DNAH9: variants seen among roughly 807,000 people sequenced by gnomAD.
DNAH9 encodes the protein dynein axonemal heavy chain 9.
A neutral mutation model predicts 471.6 loss-of-function variants in DNAH9; 345 were observed. The ratio of observed to expected loss-of-function variants is 0.73; its 90% confidence interval spans 0.67 to 0.80. DNAH9 has a LOEUF of 0.80. Among genes scored for constraint, DNAH9 ranks in the 30% least tolerant of loss-of-function variants. The pLI, the probability that DNAH9 is intolerant of heterozygous loss-of-function variation, is 0.00. For synonymous variants in DNAH9, 2,093 were observed against 2,123.6 expected (o/e 0.99, Z 0.40); for missense variants, 5,407 against 5,609.2 (o/e 0.96, Z 1.15).
intron 28 of DNAH9, among the ~76,000 whole-genome samples, chr17:11,730,773 G>GATT (rs1224248226): frequency 6.6e-6 from 1 of 151,856 alleles, no homozygotes; most frequent in African/African-American, 2.4e-5. Context: ...TGATGATGAT[G>GATT]ATGATGTTAA....
intron 27 of DNAH9, among the ~76,000 whole-genome samples, chr17:11,722,318 G>C (rs368858556): frequency 6.6e-6 from 1 of 152,346 alleles, no homozygotes; most frequent in South Asian, 2.1e-4. Context: ...AGTGGGGGAT[G>C]CAGAAAGGAA....
intron 41 of DNAH9, among the ~76,000 whole-genome samples, chr17:11,786,788 A>G (rs1414790790): frequency 6.6e-6 from 1 of 152,190 alleles, no homozygotes; most frequent in African/African-American, 2.4e-5. Flanking sequence ...AGGAGGAACC[A>G]GACAGCAGAG....
At chr17:11,698,084 C>T (rs1304885317) in intron 22 of DNAH9, among the ~76,000 whole-genome samples, 1 of 138,262 alleles carries the variant, frequency 7.2e-6, no homozygotes, top group Non-Finnish European at 1.5e-5. Context: ...TACTTTATAG[C>T]ATATATAGTA....
chr17:11,619,020 T>C (rs542476673), intron 5 of DNAH9, among the ~76,000 whole-genome samples: 78 of 152,188 alleles, frequency 5.1e-4, no homozygotes, highest in Non-Finnish European at 9.0e-4. Flanking sequence ...TATTGGCTCA[T>C]GTACCTTGAA....
At chr17:11,824,796 C>A (rs1428746505) in intron 48 of DNAH9, among the ~76,000 whole-genome samples, 1 of 151,958 alleles carries the variant, frequency 6.6e-6, no homozygotes, top group Non-Finnish European at 1.5e-5. Flanking sequence ...AGAAACTGTC[C>A]TACTGATAAT....
intron 37 of DNAH9, 24 bp from the exon 38 acceptor site, chr17:11,769,098 A>G: frequency 6.2e-7 from 1 of 1,612,788 alleles, no homozygotes; most frequent in South Asian, 1.1e-5. Flanking sequence ...CACCCTTGGC[A>G]GGCTTATTGT....
At position 11,608,173 on chromosome 17, in the gene DNAH9, G is replaced by A. The variant is rs777079207; in HGVS notation, c.462G>A (p.Trp154Ter). ...VLANEKNRLN[W>*]PHMICEDVRR... ...CCAATGAGAAGAATCGCCTAAACTG[G>A]CCCCACATGATATGTGAGGATGTCA... Residue 154 changes from tryptophan (W) to a stop codon, truncating the protein, a stop_gained, in exon 2 of 69, where the codon TGG becomes TGA. Coordinates refer to ENST00000262442, the MANE Select transcript of DNAH9 (RefSeq NM_001372.4). LOFTEE classifies it high-confidence loss of function. The A allele has an allele frequency of 1.9e-6, 3 of 1,612,958 alleles. No homozygotes were observed. Among genetic ancestry groups the A allele is most frequent in the East Asian group, 2.2e-5 (1 of 44,810 alleles).
intron 52 of DNAH9, among the ~76,000 whole-genome samples, chr17:11,872,702 C>T (rs1597769981): frequency 6.6e-6 from 1 of 152,246 alleles, no homozygotes; most frequent in African/African-American, 2.4e-5. Flanking sequence ...GGGCGGATCA[C>T]GAGGTCAGGA....
intron 36 of DNAH9, among the ~76,000 whole-genome samples, chr17:11,768,084 A>G (rs908655627): frequency 3.3e-5 from 5 of 152,190 alleles, no homozygotes; most frequent in African/African-American, 1.2e-4. Context: ...TGGGAACTGC[A>G]GAGAATCTCA....
intron 49 of DNAH9, among the ~76,000 whole-genome samples, chr17:11,853,628 TCAATC>T (rs1223505380): frequency 6.6e-6 from 1 of 152,236 alleles, no homozygotes; most frequent in Non-Finnish European, 1.5e-5. Flanking sequence ...GCTATTCTCT[TCAATC>T]CAAGATGGAA....
intron 39 of DNAH9, among the ~76,000 whole-genome samples, chr17:11,782,011 C>CACTGATTTG (rs1241864960): frequency 6.6e-6 from 1 of 150,964 alleles, no homozygotes; most frequent in African/African-American, 2.4e-5. Flanking sequence ...AAAAGCAAGT[C>CACTGATTTG]ACTGATTTGA....
chr17:11,609,042 T>C (rs1371147183), intron 2 of DNAH9, among the ~76,000 whole-genome samples: 1 of 152,218 alleles, frequency 6.6e-6, no homozygotes, highest in Admixed American at 6.5e-5. Flanking sequence ...TATATTTTGC[T>C]ATATTTCATC....
At chr17:11,741,193 C>G (rs2075428333) in intron 29 of DNAH9, among the ~76,000 whole-genome samples, 2 of 152,068 alleles carry the variant, frequency 1.3e-5, no homozygotes, top group South Asian at 4.2e-4. Flanking sequence ...AATTTCATAT[C>G]AGTATAGGGA....
rs142694655 is a variant in DNAH9 at position 11,663,430 on chromosome 17, C to T, written c.2596-1403C>T. Among the ~76,000 whole-genome samples, 34 of 152,274 alleles carry T rather than the reference C, an allele frequency of 2.2e-4. No individual in the cohort carries two copies. The East Asian group carries it at 6.0e-3, about 27-fold the overall frequency. ...TTGAAAAGGGCCTTTGGGTAGAAAG[C>T]CAGGTGGTGGTGAGGCTCACCTTGA... is the stretch of plus-strand genomic sequence containing the variant. On this transcript the variant is annotated intron_variant, in intron 14 of 68. Transcript: ENST00000262442.
At chr17:11,599,404 C>A (rs2072336957) in intron 1 of DNAH9, among the ~76,000 whole-genome samples, 2 of 152,100 alleles carry the variant, frequency 1.3e-5, no homozygotes, top group Non-Finnish European at 2.9e-5. Flanking sequence ...ATAAACAGTG[C>A]CTACTTCTGG....
At chr17:11,939,910 G>T (rs1161423678) in intron 66 of DNAH9, among the ~76,000 whole-genome samples, 1 of 151,882 alleles carries the variant, frequency 6.6e-6, no homozygotes, top group Non-Finnish European at 1.5e-5. Flanking sequence ...ATGGGTGATG[G>T]GTAGATGGGT....
chr17:11,630,209 C>G (rs2073041642), intron 7 of DNAH9: 1 of 152,664 alleles, frequency 6.6e-6, no homozygotes, highest in African/African-American at 2.4e-5. Flanking sequence ...ACAAGGCGGG[C>G]AGATCATGAG....
At chr17:11,960,251 C>A (rs971086030) in intron 67 of DNAH9, among the ~76,000 whole-genome samples, 17 of 151,770 alleles carry the variant, frequency 1.1e-4, no homozygotes, top group South Asian at 4.2e-4. Context: ...GCATGGCCAA[C>A]ATGGTGAAAC....
At chr17:11,636,288 G>A (rs2073164924) in intron 8 of DNAH9, among the ~76,000 whole-genome samples, 1 of 152,194 alleles carries the variant, frequency 6.6e-6, no homozygotes, top group Non-Finnish European at 1.5e-5. Context: ...ACAGGCATGA[G>A]CCACCGCGCC....
Sources: allele counts gnomAD v4.1 joint callset (sites outside exome capture counted in the v4.1 genomes callset), GRCh38; gene constraint gnomAD v4.1.1; transcripts MANE v1.5; gene names NCBI Gene and HGNC (gene_info 2026-07-23, HGNC 2026-07-21).